Variants in MIR2052HG observed in about 807,000 individuals in gnomAD.
MIR2052HG encodes MIR2052 host gene.
rs191798625 is a variant in MIR2052HG at position 74,676,884 on chromosome 8, A to C, written n.217-25495A>C. Reference sequence around the variant, plus strand: ...GATTGTGGTAATCATTTCACAATGTACAGGTATATCAAAATGTCATGTTGT... The same window carrying C: ...GATTGTGGTAATCATTTCACAATGTCCAGGTATATCAAAATGTCATGTTGT... On this transcript the variant is annotated intron_variant and non_coding_transcript_variant, in intron 2 of 6. Transcript: ENST00000523442. Among the ~76,000 whole-genome samples, 333 of 152,132 alleles carry C rather than the reference A, an allele frequency of 2.2e-3. 1 individual carries two copies. The highest frequency in any genetic ancestry group is 3.6e-3 in the Non-Finnish European group (246 of 67,864).
At chr8:74,727,300 T>C (rs981965036) in intron 4 of MIR2052HG, among the ~76,000 whole-genome samples, 1 of 152,214 alleles carries the variant, frequency 6.6e-6, no homozygotes. Context: ...TGAGGAAATC[T>C]CACAAGGAAA....
In MIR2052HG at chr8:74,723,317, A is replaced by T. The variant is rs1389574114; in HGVS notation, n.371+19635A>T. On this transcript the variant is annotated intron_variant and non_coding_transcript_variant, in intron 4 of 6. Transcript: ENST00000523442. ...CATTTATCAGTGATGCTTTTTTGGC[A>T]AGCCAAATTGATGGAATCCACCAGG... Among the ~76,000 whole-genome samples the T allele has an allele frequency of 2.0e-5, 3 of 152,142 alleles. No individual in the cohort carries two copies. In the East Asian group the frequency reaches 5.8e-4, roughly 29 times the overall value.
chr8:74,638,714 C>T (rs535327972), intron 2 of MIR2052HG, among the ~76,000 whole-genome samples: 1 of 152,230 alleles, frequency 6.6e-6, no homozygotes, highest in South Asian at 2.1e-4. Context: ...AAGATAACTT[C>T]ACATTTGGAC....
At chr8:74,608,646 G>T (rs749844446) in intron 1 of MIR2052HG, among the ~76,000 whole-genome samples, 19 of 152,082 alleles carry the variant, frequency 1.2e-4, no homozygotes, top group Non-Finnish European at 2.4e-4. Flanking sequence ...TCAGACCACA[G>T]TTAGAAATCA....
At chr8:74,655,983 G>A (rs980247171) in intron 2 of MIR2052HG, among the ~76,000 whole-genome samples, 3 of 152,296 alleles carry the variant, frequency 2.0e-5, no homozygotes, top group African/African-American at 7.2e-5. Flanking sequence ...AAGACATGGG[G>A]TCAAAGGAGA....
At chr8:74,648,357 T>C (rs1332287349) in intron 2 of MIR2052HG, among the ~76,000 whole-genome samples, 1 of 152,202 alleles carries the variant, frequency 6.6e-6, no homozygotes, top group Non-Finnish European at 1.5e-5. Flanking sequence ...TGGTGAATTC[T>C]AGTCAGAATG....
At chr8:74,626,425 T>C (rs891937782) in intron 2 of MIR2052HG, among the ~76,000 whole-genome samples, 2 of 152,334 alleles carry the variant, frequency 1.3e-5, no homozygotes, top group South Asian at 4.1e-4. Flanking sequence ...TTCTTTCTTA[T>C]AACTAGTAGT....
At chr8:74,701,519 G>C (rs138108828) in intron 2 of MIR2052HG, among the ~76,000 whole-genome samples, 100 of 152,036 alleles carry the variant, frequency 6.6e-4, no homozygotes, top group Non-Finnish European at 1.3e-3. Context: ...CTCCATAGAG[G>C]GTGTTTAGTT....
intron 4 of MIR2052HG, among the ~76,000 whole-genome samples, chr8:74,715,469 T>C (rs1352340610): frequency 1.3e-5 from 2 of 152,250 alleles, no homozygotes; most frequent in African/African-American, 4.8e-5. Context: ...ACCTTTATGT[T>C]GCCATTGTGA....
chr8:74,606,928 T>TA (rs1490013704), intron 1 of MIR2052HG, among the ~76,000 whole-genome samples: 1 of 151,592 alleles, frequency 6.6e-6, no homozygotes, highest in Non-Finnish European at 1.5e-5. Flanking sequence ...AATGAAATAA[T>TA]AAAAAACCCT....
At chr8:74,666,411 C>A (rs1415442407) in intron 2 of MIR2052HG, among the ~76,000 whole-genome samples, 1 of 152,166 alleles carries the variant, frequency 6.6e-6, no homozygotes, top group Non-Finnish European at 1.5e-5. Flanking sequence ...TTCAGGAGAG[C>A]ATTTATCCTA....
At chr8:74,682,426 A>G (rs565828776) in intron 2 of MIR2052HG, among the ~76,000 whole-genome samples, 1 of 152,274 alleles carries the variant, frequency 6.6e-6, no homozygotes. Flanking sequence ...ACATATAAAG[A>G]AATATTACAG....
intron 2 of MIR2052HG, among the ~76,000 whole-genome samples, chr8:74,658,940 T>C (rs998503546): frequency 3.3e-5 from 5 of 152,228 alleles, no homozygotes; most frequent in African/African-American, 4.8e-5. Flanking sequence ...TGAAGGAAGC[T>C]TTATTTAAAA....
At chr8:74,643,372 G>T (rs1808660307) in intron 2 of MIR2052HG, among the ~76,000 whole-genome samples, 1 of 152,016 alleles carries the variant, frequency 6.6e-6, no homozygotes. Context: ...ATTCTTTAAA[G>T]ACCAGAAATT....
At chr8:74,661,498 G>T (rs1808865141) in intron 2 of MIR2052HG, among the ~76,000 whole-genome samples, 1 of 152,010 alleles carries the variant, frequency 6.6e-6, no homozygotes, top group Admixed American at 6.6e-5. Context: ...ACTGTGCCTG[G>T]CCTGGTCCTT....
At chr8:74,715,537 T>C (rs1315897417) in intron 4 of MIR2052HG, among the ~76,000 whole-genome samples, 1 of 152,234 alleles carries the variant, frequency 6.6e-6, no homozygotes, top group African/African-American at 2.4e-5. Context: ...TTGTGACTTG[T>C]GAACTGAATA....
At chr8:74,746,568 G>A (rs946543139) in intron 4 of MIR2052HG, among the ~76,000 whole-genome samples, 1 of 208 alleles carries the variant, frequency 4.8e-3, no homozygotes, top group African/African-American at 7.2e-3. Flanking sequence ...AGGAGAAGAA[G>A]TGTGTGTGTG....
At chr8:74,709,985 C>A (rs1809450328) in intron 4 of MIR2052HG, among the ~76,000 whole-genome samples, 1 of 152,128 alleles carries the variant, frequency 6.6e-6, no homozygotes, top group Admixed American at 6.6e-5. Flanking sequence ...TAACAGTTAT[C>A]AGAAATTCTT....
intron 2 of MIR2052HG, among the ~76,000 whole-genome samples, chr8:74,655,135 G>A (rs558794697): frequency 6.6e-6 from 1 of 152,228 alleles, no homozygotes; most frequent in African/African-American, 2.4e-5. Context: ...CATTCAAGAG[G>A]TGACTTTGGT....
Sources: gnomAD v4.1 joint callset for allele counts (sites outside exome capture counted in the v4.1 genomes callset) on GRCh38, gnomAD v4.1.1 for gene constraint, MANE v1.5 for transcripts, NCBI Gene and HGNC (gene_info 2026-07-23, HGNC 2026-07-21) for gene names.